ODF2: variants seen among roughly 807,000 people sequenced by gnomAD.
ODF2 encodes outer dense fiber protein 2.
A neutral mutation model predicts 110.2 loss-of-function variants in ODF2; 47 were observed. That is an observed-to-expected ratio of 0.43 (90% CI 0.34 to 0.54). The LOEUF is 0.54. ODF2 is among the 20% of genes least tolerant of loss of function. The pLI, the probability that ODF2 is intolerant of heterozygous loss-of-function variation, is 0.03. For synonymous variants in ODF2, 352 were observed against 397.7 expected, an observed-to-expected ratio of 0.89 and a Z score of 1.37; for missense variants, 812 against 1,054.5, an observed-to-expected ratio of 0.77 and a Z score of 3.19.
chr9:128,460,506 T>C, intron 3 of ODF2, 44 bp from the exon 3 acceptor site: 1 of 1,606,676 alleles, frequency 6.2e-7, no homozygotes, highest in Non-Finnish European at 8.5e-7. Context: ...AGTTTACTCA[T>C]CCACAGATCA....
At chr9:128,489,181 C>T (rs891266307) in intron 14 of ODF2, among the ~76,000 whole-genome samples, 7 of 152,114 alleles carry the variant, frequency 4.6e-5, no homozygotes, top group Admixed American at 3.3e-4. Context: ...GTGAGAGGCA[C>T]CTGAGCAGAG....
At chr9:128,476,866 TA>T (rs548339277) in intron 8 of ODF2, among the ~76,000 whole-genome samples, 17 of 151,498 alleles carry the variant, frequency 1.1e-4, no homozygotes, top group Admixed American at 9.8e-4. Flanking sequence ...CTCGAACTCC[TA>T]AACTCAGGCA....
In ODF2 at chr9:128,485,990, G is replaced by A. The variant is rs995519364; in HGVS notation, c.1400+516G>A. 5.3e-5 allele frequency among the ~76,000 whole-genome samples: 8 copies of A among 152,280 alleles called. No individual in the cohort carries two copies. The highest frequency in any genetic ancestry group is 1.7e-4 in the African/African-American group (7 of 41,560). On this transcript the variant is annotated intron_variant, in intron 13 of 20. Transcript: ENST00000604420. This position sits in a 1 kb window ranked among gnomAD's most constrained non-coding sequence, Gnocchi z 5.0. Reference sequence around the variant, plus strand: ...AGCTGACACCTTTCTTGCCACTGGCGAACTGTGAATAGTGACCATTCCATC... The same window carrying A: ...AGCTGACACCTTTCTTGCCACTGGCAAACTGTGAATAGTGACCATTCCATC...
At chr9:128,483,694 G>A (rs1478121671) in intron 10 of ODF2, among the ~76,000 whole-genome samples, 1 of 151,986 alleles carries the variant, frequency 6.6e-6, no homozygotes, top group Admixed American at 6.6e-5. Context: ...AGACCAGTCT[G>A]GCCAACATGG....
exon 4 of ODF2, chr9:128,460,974 T>G (rs1332602044): frequency 6.2e-7 from 1 of 1,614,070 alleles, no homozygotes; most frequent in Non-Finnish European, 8.5e-7. Flanking sequence ...AAGGGGACAC[T>G]GTGAATGTGC....
chr9:128,460,466 C>T (rs1166686247), intron 3 of ODF2, 84 bp from the exon 3 acceptor site: 1 of 1,562,816 alleles, frequency 6.4e-7, no homozygotes, highest in South Asian at 1.2e-5. Context: ...TTGGTGGCCC[C>T]CAGAGGCTGT....
At chr9:128,479,369 G>A (rs574253423) in intron 8 of ODF2, among the ~76,000 whole-genome samples, 31 of 152,314 alleles carry the variant, frequency 2.0e-4, no homozygotes, top group African/African-American at 7.5e-4. Context: ...GTTCAGGCAA[G>A]AGGAGACCCA....
chr9:128,496,971 AC>A (rs1845660177), intron 18 of ODF2, among the ~76,000 whole-genome samples: 1 of 151,822 alleles, frequency 6.6e-6, no homozygotes, highest in Admixed American at 6.6e-5. Context: ...CAAGTGATCC[AC>A]CCACCTAGGC....
At chr9:128,471,507 T>C (rs766702044) in intron 6 of ODF2, 39 bp downstream of exon 6, 12 of 1,597,694 alleles carry the variant, frequency 7.5e-6, no homozygotes, top group Non-Finnish European at 9.4e-6. Context: ...GATCTATTCC[T>C]CCCTACCAGG....
intron 10 of ODF2, 32 bp from the exon 11 acceptor site, chr9:128,483,906 G>A (rs770663958): frequency 6.8e-7 from 1 of 1,459,916 alleles, no homozygotes; most frequent in Admixed American, 1.7e-5. Context: ...ACAAAAAATT[G>A]TGCCTCCATC....
chr9:128,496,276 A>G, intron 18 of ODF2, 135 bp downstream of exon 18: 2 of 1,518,520 alleles, frequency 1.3e-6, no homozygotes, highest in Non-Finnish European at 1.8e-6. Context: ...ACCTCAGAGG[A>G]AAAGCTGCTT....
At chr9:128,500,689 C>CT (rs546412200), downstream of ODF2, 1,624 of 146,416 alleles carry the variant, frequency 0.011, 12 homozygotes, top group South Asian at 0.033. Flanking sequence ...CCATCACTTG[C>CT]TTTTTTTTTT....
chr9:128,465,718 C>A (rs1249801472), intron 4 of ODF2, among the ~76,000 whole-genome samples: 5 of 142,486 alleles, frequency 3.5e-5, no homozygotes, highest in African/African-American at 1.3e-4. Flanking sequence ...TCCAGCCTGG[C>A]GACAGAGCGA....
chr9:128,455,296 A>C (rs1290091649), upstream of ODF2: 3 of 1,446,744 alleles, frequency 2.1e-6, no homozygotes, highest in Admixed American at 2.0e-5. Flanking sequence ...TCAAGCCTGT[A>C]ATACAAGCAC....
At chr9:128,459,247 A>AT (rs1835777466) in intron 2 of ODF2, among the ~76,000 whole-genome samples, 2 of 152,222 alleles carry the variant, frequency 1.3e-5, no homozygotes, top group Non-Finnish European at 2.9e-5. Context: ...AAACCAGCAC[A>AT]TTGGCTTCTG....
chr9:128,476,789 C>A (rs2131871437), intron 8 of ODF2, among the ~76,000 whole-genome samples: 1 of 151,636 alleles, frequency 6.6e-6, no homozygotes, highest in South Asian at 2.1e-4. Flanking sequence ...CAGGTGCGTG[C>A]CACCATGCCC....
At chr9:128,496,352 G>C (rs1331366864) in intron 18 of ODF2, 2 of 1,425,334 alleles carry the variant, frequency 1.4e-6, no homozygotes, top group Admixed American at 2.1e-5. Context: ...GACACTCCAT[G>C]ACAGCATGAT....
At chr9:128,461,165 TG>T (rs1836348578) in intron 4 of ODF2, 98 bp downstream of exon 4, 1 of 1,464,688 alleles carries the variant, frequency 6.8e-7, no homozygotes. Flanking sequence ...GCTACTGGAA[TG>T]TCCTAACAGA....
At chr9:128,498,392 T>C in intron 18 of ODF2, 21 bp from the exon 19 acceptor site, 1 of 1,553,758 alleles carries the variant, frequency 6.4e-7, no homozygotes, top group Non-Finnish European at 8.7e-7. Flanking sequence ...GCCCAGGATC[T>C]GATTGAGTGC....
Sources: gnomAD v4.1 joint callset for allele counts (sites outside exome capture counted in the v4.1 genomes callset) on GRCh38, gnomAD v4.1.1 for gene constraint, Gnocchi (gnomAD v3.1) non-coding constraint, MANE v1.5 for transcripts, NCBI Gene and HGNC (gene_info 2026-07-23, HGNC 2026-07-21) for gene names.